Variants in PARVB observed in about 807,000 individuals in gnomAD.
The protein encoded by PARVB is beta-parvin.
Under a neutral mutation model 47.0 loss-of-function variants are expected in PARVB, and 46 were observed. That is an observed-to-expected ratio of 0.98 (90% CI 0.77 to 1.25). The LOEUF is 1.25. Ranked by LOEUF, PARVB falls within the 50% of genes most tolerant of loss-of-function variation. PARVB has a pLI of 0.00. For missense variants in PARVB, 473 were observed against 471.6 expected (o/e 1.00, Z -0.03); for synonymous variants, 196 against 196.3 (o/e 1.00, Z 0.01).
intron 10 of PARVB, among the ~76,000 whole-genome samples, chr22:44,157,367 G>T (rs774366673): frequency 1.3e-5 from 2 of 152,164 alleles, no homozygotes; most frequent in Admixed American, 6.5e-5. Flanking sequence ...GGTCAGGAGT[G>T]GGGGACAGTT....
chr22:44,063,638 G>T (rs60456054), intron 1 of PARVB, among the ~76,000 whole-genome samples: 1 of 152,004 alleles, frequency 6.6e-6, no homozygotes, highest in Non-Finnish European at 1.5e-5. Flanking sequence ...GGGTTAGTGG[G>T]GTTGGGGAGT....
intron 12 of PARVB, among the ~76,000 whole-genome samples, chr22:44,166,275 A>G (rs1426530693): frequency 6.6e-6 from 1 of 152,142 alleles, no homozygotes; most frequent in African/African-American, 2.4e-5. Context: ...ATGCCTGGCT[A>G]ATTTTTCTAT....
intron 1 of PARVB, among the ~76,000 whole-genome samples, chr22:44,040,191 AC>A (rs2050993483): frequency 6.6e-6 from 1 of 152,180 alleles, no homozygotes; most frequent in Non-Finnish European, 1.5e-5. Context: ...CATGGCATGT[AC>A]CTTTTAACTC....
chr22:44,052,802 G>A (rs913790730), intron 1 of PARVB, among the ~76,000 whole-genome samples: 1 of 152,162 alleles, frequency 6.6e-6, no homozygotes, highest in Admixed American at 6.6e-5. Context: ...AATTAGTTGG[G>A]TGTGTTGGTG....
At chr22:44,030,355 T>C (rs1027834129) in intron 1 of PARVB, among the ~76,000 whole-genome samples, 1 of 152,036 alleles carries the variant, frequency 6.6e-6, no homozygotes, top group Non-Finnish European at 1.5e-5. Flanking sequence ...CTAGGATGGA[T>C]GTAAATTAGC....
At position 44,006,580 on chromosome 22, in the gene PARVB, G is replaced by A. The variant is rs8137975; in HGVS notation, c.211+6907G>A. ...GCAGAGGTTGCAGTGAGCCGAGATCGTGCCACTGCACTACAGCCTGGTGAC... is the reference window on the plus strand; with the variant it reads ...GCAGAGGTTGCAGTGAGCCGAGATCATGCCACTGCACTACAGCCTGGTGAC... On this transcript the variant is annotated intron_variant, in intron 2 of 13. Transcript: ENST00000406477. Among the ~76,000 whole-genome samples, 976 of 152,288 alleles carry A rather than the reference G, an allele frequency of 6.4e-3. 15 individuals carry two copies. Among genetic ancestry groups the A allele is most frequent in the African/African-American group, 0.023 (942 of 41,564 alleles).
At chr22:44,039,109 G>A (rs892973291) in intron 1 of PARVB, among the ~76,000 whole-genome samples, 1 of 152,212 alleles carries the variant, frequency 6.6e-6, no homozygotes, top group African/African-American at 2.4e-5. Flanking sequence ...GGTGAGAATA[G>A]GACAGCTGCT....
At chr22:44,040,006 C>T in intron 1 of PARVB, 1 of 344,726 alleles carries the variant, frequency 2.9e-6, no homozygotes, top group African/African-American at 2.2e-5. Flanking sequence ...TGTTCTACAG[C>T]AGACAGAGCT....
In PARVB at chr22:44,155,477, C is replaced by T. The variant is rs1387743069; in HGVS notation, c.844-2505C>T. On this transcript the variant is annotated intron_variant, in intron 10 of 12. Transcript: ENST00000338758. The surrounding 1 kb of genome is among the most constrained non-coding windows in gnomAD (Gnocchi z 4.8). ...CGTCCCTCCCTCCTTCCTGTGAGCCCGTGTGCTGGGACAGTGAGGAGACAC... is the reference window on the plus strand; with the variant it reads ...CGTCCCTCCCTCCTTCCTGTGAGCCTGTGTGCTGGGACAGTGAGGAGACAC... 3.3e-5 allele frequency among the ~76,000 whole-genome samples: 5 copies of T among 152,172 alleles called. No individual in the cohort carries two copies. Among genetic ancestry groups the T allele is most frequent in the South Asian group, 2.1e-4 (1 of 4,830 alleles).
At chr22:44,118,811 C>A (rs1051522796) in intron 3 of PARVB, among the ~76,000 whole-genome samples, 2 of 151,826 alleles carry the variant, frequency 1.3e-5, no homozygotes, top group Non-Finnish European at 2.9e-5. Flanking sequence ...CTGGTTCTGG[C>A]GGCTGCAGTG....
intron 3 of PARVB, chr22:44,115,137 A>G (rs2052845792): frequency 1.4e-5 from 1 of 70,224 alleles, no homozygotes. Flanking sequence ...CCCTGCACCA[A>G]CACAGATACA....
intron 1 of PARVB, among the ~76,000 whole-genome samples, chr22:44,066,813 C>T (rs1048973494): frequency 2.9e-4 from 40 of 139,418 alleles, no homozygotes; most frequent in African/African-American, 5.2e-4. Context: ...TCCTCCTCCT[C>T]CTCCTCCTCT....
chr22:44,085,624 A>G (rs2052006561), intron 1 of PARVB, among the ~76,000 whole-genome samples: 1 of 152,206 alleles, frequency 6.6e-6, no homozygotes, highest in South Asian at 2.1e-4. Context: ...TTGCTTTTTT[A>G]AAAAATCTCA....
intron 1 of PARVB, among the ~76,000 whole-genome samples, chr22:44,059,941 A>C (rs1171797025): frequency 6.6e-6 from 1 of 152,054 alleles, no homozygotes; most frequent in African/African-American, 2.4e-5. Flanking sequence ...TCTGCTTGCT[A>C]TCGGGAGAAA....
At chr22:44,109,386 A>T (rs1378889941) in intron 3 of PARVB, 2 of 152,246 alleles carry the variant, frequency 1.3e-5, no homozygotes, top group Non-Finnish European at 2.9e-5. Flanking sequence ...GACGTGTGTG[A>T]TGGAGTGGTA....
chr22:44,007,131 G>A (rs538148643), intron 2 of PARVB, among the ~76,000 whole-genome samples: 12 of 152,352 alleles, frequency 7.9e-5, no homozygotes, highest in African/African-American at 2.6e-4. Flanking sequence ...GGGGGACAGC[G>A]ATCAAGCTCT....
At chr22:44,031,241 T>TGAACGCA (rs2050821604) in intron 1 of PARVB, 1 of 152,170 alleles carries the variant, frequency 6.6e-6, no homozygotes, top group Non-Finnish European at 1.5e-5. Flanking sequence ...TGAGTGGAAC[T>TGAACGCA]CCCTGGAGAC....
At chr22:44,026,425 A>G (rs1313203341) in intron 1 of PARVB, 1 of 813,570 alleles carries the variant, frequency 1.2e-6, no homozygotes, top group Non-Finnish European at 1.5e-6. Context: ...TGCCTGGCAA[A>G]CAGAGGGCCA....
intron 1 of PARVB, among the ~76,000 whole-genome samples, chr22:44,027,103 G>A (rs2050743420): frequency 6.6e-6 from 1 of 152,074 alleles, no homozygotes; most frequent in African/African-American, 2.4e-5. Context: ...AGGGAACTGT[G>A]ACGAACTGTG....
Sources: allele counts gnomAD v4.1 joint callset (sites outside exome capture counted in the v4.1 genomes callset), GRCh38; gene constraint gnomAD v4.1.1; non-coding constraint Gnocchi (gnomAD v3.1); transcripts MANE v1.5; gene names NCBI Gene and HGNC (gene_info 2026-07-23, HGNC 2026-07-21).